The following SAMD5 variants were observed in gnomAD, a reference collection of about 807,000 sequenced individuals.
The protein encoded by SAMD5 is sterile alpha motif domain-containing protein 5.
SAMD5 carries 13 observed loss-of-function variants against 11.3 expected under a neutral mutation model. The ratio of observed to expected loss-of-function variants is 1.15; its 90% CI spans 0.75 to 1.83. The LOEUF (loss-of-function observed/expected upper bound fraction) is 1.83, where lower values mean the gene tolerates loss of function less well. Among genes scored for constraint, SAMD5 ranks in the 40% most tolerant of loss-of-function variants. SAMD5 has a pLI of 0.00. For synonymous variants in SAMD5, 129 were observed against 111.3 expected (o/e 1.16, Z -1.00); for missense variants, 255 against 239.1 (o/e 1.07, Z -0.44).
chr6:147,684,995 C>A (rs914062229), intron 1 of SAMD5, among the ~76,000 whole-genome samples: 1 of 152,048 alleles, frequency 6.6e-6, no homozygotes, highest in Non-Finnish European at 1.5e-5. Context: ...TTTTCTCTTT[C>A]TTTGTAAAAA....
At chr6:147,921,926 A>T in the SAMD5 span, among the ~76,000 whole-genome samples, 3 of 152,244 alleles carry the variant, frequency 2.0e-5, no homozygotes, top group Non-Finnish European at 4.4e-5. Flanking sequence ...AAACAACACA[A>T]GCAAAGGATA....
chr6:147,940,667 A>G, the SAMD5 span, among the ~76,000 whole-genome samples: 11 of 152,220 alleles, frequency 7.2e-5, no homozygotes, highest in Non-Finnish European at 2.9e-5. Context: ...ATTATGGTTC[A>G]AAAGTGTCTG....
intron 1 of SAMD5, among the ~76,000 whole-genome samples, chr6:147,698,056 C>T (rs987820586): frequency 6.6e-6 from 1 of 152,134 alleles, no homozygotes; most frequent in Non-Finnish European, 1.5e-5. Flanking sequence ...ACTTAGATCC[C>T]CCGCACACGC....
At chr6:147,936,976 G>T in the SAMD5 span, among the ~76,000 whole-genome samples, 2 of 152,116 alleles carry the variant, frequency 1.3e-5, no homozygotes, top group Non-Finnish European at 2.9e-5. Context: ...GTGTTGAGGG[G>T]AGGACGAGGG....
At chr6:147,895,310 A>T in the SAMD5 span, among the ~76,000 whole-genome samples, 1 of 152,160 alleles carries the variant, frequency 6.6e-6, no homozygotes, top group African/African-American at 2.4e-5. Flanking sequence ...TGCTCCAAAA[A>T]TGAGTTAGAG....
chr6:147,693,693 C>T (rs976320445), intron 1 of SAMD5, among the ~76,000 whole-genome samples: 9 of 152,052 alleles, frequency 5.9e-5, no homozygotes, highest in East Asian at 3.9e-4. Context: ...GGGCCGGGCG[C>T]GGTGGCTCAT....
the SAMD5 span, among the ~76,000 whole-genome samples, chr6:147,839,485 A>G: frequency 6.6e-6 from 1 of 152,236 alleles, no homozygotes; most frequent in South Asian, 2.1e-4. Flanking sequence ...GCAATGGCTC[A>G]TGCCTGTAAT....
chr6:147,524,917 C>G (rs1458785550), intron 1 of SAMD5, among the ~76,000 whole-genome samples: 2 of 151,974 alleles, frequency 1.3e-5, no homozygotes, highest in Non-Finnish European at 2.9e-5. Context: ...TTTCCCATTC[C>G]TGTTTTATAC....
the SAMD5 span, among the ~76,000 whole-genome samples, chr6:147,776,789 G>A: frequency 6.6e-6 from 1 of 152,168 alleles, no homozygotes; most frequent in Non-Finnish European, 1.5e-5. Flanking sequence ...GGATTTTCCT[G>A]GAAAAGCTGT....
At chr6:147,819,780 G>A in the SAMD5 span, among the ~76,000 whole-genome samples, 1 of 152,314 alleles carries the variant, frequency 6.6e-6, no homozygotes, top group South Asian at 2.1e-4. Flanking sequence ...CAGGGATTGG[G>A]GCTCAAGGAG....
intron 1 of SAMD5, among the ~76,000 whole-genome samples, chr6:147,667,000 G>A (rs1790731973): frequency 1.3e-5 from 2 of 151,976 alleles, no homozygotes; most frequent in Non-Finnish European, 2.9e-5. Flanking sequence ...TTTTTTCCGA[G>A]GCCTGGATGA....
chr6:147,935,539 C>T, the SAMD5 span, among the ~76,000 whole-genome samples: 2 of 152,116 alleles, frequency 1.3e-5, no homozygotes, highest in East Asian at 1.9e-4. Flanking sequence ...TAACATCATA[C>T]GAATTGGCCT....
At chr6:147,636,654 G>A (rs1330208534) in intron 1 of SAMD5, among the ~76,000 whole-genome samples, 1 of 152,134 alleles carries the variant, frequency 6.6e-6, no homozygotes, top group Non-Finnish European at 1.5e-5. Context: ...CCAATGGTTA[G>A]GCATTTGGGT....
intron 1 of SAMD5, among the ~76,000 whole-genome samples, chr6:147,618,157 G>A (rs1023403087): frequency 1.3e-5 from 2 of 152,220 alleles, no homozygotes; most frequent in African/African-American, 4.8e-5. Context: ...GAGGTGAAGT[G>A]AGTTCTTCAA....
At position 147,524,785 on chromosome 6, in the gene SAMD5, G is replaced by T. The variant is rs116423670; in HGVS notation, c.459+15398G>T. Among the ~76,000 whole-genome samples, 395 of 152,196 alleles carry T rather than the reference G, an allele frequency of 2.6e-3. 3 individuals carry two copies. The highest frequency in any genetic ancestry group is 8.8e-3 in the African/African-American group (366 of 41,516). The stretch of plus-strand genomic sequence containing the variant: ...GATATATTAATAACATAAGGAAAAA[G>T]CCTTGAAATATGTCAAATCACAAAA... On this transcript the variant is annotated intron_variant, in intron 1 of 1. Transcript: ENST00000367474.
chr6:147,811,160 G>T, the SAMD5 span, among the ~76,000 whole-genome samples: 1 of 152,200 alleles, frequency 6.6e-6, no homozygotes, highest in Non-Finnish European at 1.5e-5. Flanking sequence ...TAGAGTAGTA[G>T]AGTAATAGTA....
the SAMD5 span, among the ~76,000 whole-genome samples, chr6:147,747,003 C>T: frequency 1.3e-5 from 2 of 152,194 alleles, no homozygotes; most frequent in Non-Finnish European, 2.9e-5. Flanking sequence ...CAGTAACAGT[C>T]ACAGGCTGTT....
chr6:147,923,465 G>T, the SAMD5 span, among the ~76,000 whole-genome samples: 1 of 152,150 alleles, frequency 6.6e-6, no homozygotes, highest in Non-Finnish European at 1.5e-5. Flanking sequence ...CTGTTGTCCT[G>T]TGCACTTAGA....
chr6:147,828,854 G>A, the SAMD5 span, among the ~76,000 whole-genome samples: 1 of 152,134 alleles, frequency 6.6e-6, no homozygotes, highest in African/African-American at 2.4e-5. Flanking sequence ...GAAGATAACA[G>A]CCTTAAAGCC....
Sources: allele counts gnomAD v4.1 joint callset (sites outside exome capture counted in the v4.1 genomes callset), GRCh38; gene constraint gnomAD v4.1.1; transcripts MANE v1.5; gene names NCBI Gene and HGNC (gene_info 2026-07-23, HGNC 2026-07-21).